The following MYO1D variants were observed in gnomAD, a reference collection of about 807,000 sequenced individuals.
The protein encoded by MYO1D is myosin ID.
A neutral mutation model predicts 122.0 loss-of-function variants in MYO1D; 83 were observed. The observed-to-expected ratio is 0.68, with a 90% CI of 0.57 to 0.82. The LOEUF (loss-of-function observed/expected upper bound fraction) is 0.82. Ranked by LOEUF, MYO1D falls within the 40% of genes least tolerant of loss-of-function variation. MYO1D has a pLI of 0.00. For missense variants in MYO1D, 1,157 were observed against 1,269.5 expected (o/e 0.91, Z 1.35); for synonymous variants, 464 against 446.9 (o/e 1.04, Z -0.48).
At chr17:32,655,050 AG>A (rs1171096736) in intron 17 of MYO1D, among the ~76,000 whole-genome samples, 1 of 152,248 alleles carries the variant, frequency 6.6e-6, no homozygotes, top group Non-Finnish European at 1.5e-5. Context: ...TGCTAAAAAA[AG>A]TAAAATGCCT....
chr17:32,633,197 C>T (rs1277286813), intron 20 of MYO1D, among the ~76,000 whole-genome samples: 2 of 148,170 alleles, frequency 1.3e-5, no homozygotes, highest in East Asian at 2.0e-4. Context: ...AAGCCCCCAA[C>T]TAAAAAGGCT....
chr17:32,552,423 T>C (rs778197929), intron 21 of MYO1D, among the ~76,000 whole-genome samples: 8,816 of 116,260 alleles, frequency 0.076, 346 homozygotes, highest in Non-Finnish European at 0.095. Context: ...CATCCACCCA[T>C]CCATCCATCC....
At chr17:32,695,130 G>T (rs561336494) in intron 16 of MYO1D, among the ~76,000 whole-genome samples, 3 of 150,886 alleles carry the variant, frequency 2.0e-5, no homozygotes, top group South Asian at 4.2e-4. Flanking sequence ...TTTTGTGGAA[G>T]AAAGATTTTC....
At chr17:32,758,523 C>A (rs542609203) in intron 10 of MYO1D, among the ~76,000 whole-genome samples, 2 of 152,078 alleles carry the variant, frequency 1.3e-5, no homozygotes, top group African/African-American at 2.4e-5. Flanking sequence ...TGAATAGATA[C>A]CCAATTGAAT....
chr17:32,641,071 G>A (rs2088192507), intron 19 of MYO1D, among the ~76,000 whole-genome samples: 1 of 146,876 alleles, frequency 6.8e-6, no homozygotes, highest in Admixed American at 6.8e-5. Context: ...ATCTCCTAAT[G>A]CTATCCCTCC....
intron 16 of MYO1D, among the ~76,000 whole-genome samples, chr17:32,698,616 T>C (rs2150979083): frequency 1.3e-5 from 2 of 152,162 alleles, no homozygotes; most frequent in East Asian, 3.9e-4. Flanking sequence ...TTTCAGATAA[T>C]GATTCTATTC....
intron 21 of MYO1D, among the ~76,000 whole-genome samples, chr17:32,503,967 G>A (rs190865578): frequency 6.6e-6 from 1 of 152,352 alleles, no homozygotes; most frequent in African/African-American, 2.4e-5. Flanking sequence ...CCTATAAGGT[G>A]AGGCTATGAT....
At chr17:32,532,587 C>T (rs1456357111) in intron 21 of MYO1D, among the ~76,000 whole-genome samples, 3 of 151,958 alleles carry the variant, frequency 2.0e-5, no homozygotes, top group South Asian at 2.1e-4. Flanking sequence ...ATTAGCCGGG[C>T]GTGGTGGCGG....
chr17:32,807,928 T>C (rs1426590943), intron 1 of MYO1D, among the ~76,000 whole-genome samples: 1 of 152,210 alleles, frequency 6.6e-6, no homozygotes, highest in African/African-American at 2.4e-5. Flanking sequence ...AATAACAGCA[T>C]AGATATGTTA....
chr17:32,502,727 C>G, intron 21 of MYO1D, among the ~76,000 whole-genome samples: 1 of 152,182 alleles, frequency 6.6e-6, no homozygotes, highest in Non-Finnish European at 1.5e-5. Flanking sequence ...GGGCAGGAGA[C>G]GGAGTAGACG....
chr17:32,825,466 A>AT (rs886884076), intron 1 of MYO1D, among the ~76,000 whole-genome samples: 1 of 151,990 alleles, frequency 6.6e-6, no homozygotes, highest in South Asian at 2.1e-4. Context: ...TAATTTTTGT[A>AT]TTTTTTTGTA....
At chr17:32,840,005 T>G (rs115943103) in intron 1 of MYO1D, among the ~76,000 whole-genome samples, 391 of 152,324 alleles carry the variant, frequency 2.6e-3, no homozygotes, top group African/African-American at 9.0e-3. Flanking sequence ...CAAAAGATCT[T>G]GTTTCAATTA....
rs968126194 is a variant in MYO1D at position 32,653,712 on chromosome 17, G to A, written c.2595+131C>T. On this transcript the variant is annotated intron_variant, in intron 19 of 21. Coordinates refer to ENST00000318217, the MANE Select transcript of MYO1D (RefSeq NM_015194.3). Reference sequence around the variant, plus strand: ...GCCATTCCTACAATGCCTCAGCACAGACAGGTCTAGTGAACTGATGATGAA... The same window carrying A: ...GCCATTCCTACAATGCCTCAGCACAAACAGGTCTAGTGAACTGATGATGAA... The A allele has an allele frequency of 4.4e-6, 3 of 683,602 alleles. No homozygotes were observed. In the South Asian group the frequency reaches 5.3e-5, roughly 12 times the overall value. The allele number at this position is 683,602 out of a possible 1,614,324, so 42.3% of individuals were successfully genotyped here.
intron 21 of MYO1D, among the ~76,000 whole-genome samples, chr17:32,604,305 G>A (rs2087599795): frequency 6.6e-6 from 1 of 152,176 alleles, no homozygotes; most frequent in Non-Finnish European, 1.5e-5. Context: ...TGATTTTGAT[G>A]AGTGGTCTTC....
chr17:32,812,311 T>C (rs1264682481), intron 1 of MYO1D, among the ~76,000 whole-genome samples: 1 of 152,222 alleles, frequency 6.6e-6, no homozygotes, highest in Non-Finnish European at 1.5e-5. Flanking sequence ...AAACAATTAT[T>C]CAGTGTTTTT....
intron 19 of MYO1D, among the ~76,000 whole-genome samples, chr17:32,641,662 A>G (rs1312663372): frequency 1.3e-5 from 2 of 151,986 alleles, no homozygotes; most frequent in African/African-American, 4.8e-5. Context: ...TGTGGTTTTG[A>G]TTTGCATTTC....
At chr17:32,685,837 G>A (rs564210882) in intron 16 of MYO1D, among the ~76,000 whole-genome samples, 1 of 152,294 alleles carries the variant, frequency 6.6e-6, no homozygotes, top group African/African-American at 2.4e-5. Context: ...CATTATAGTT[G>A]AGCAAATATT....
intron 1 of MYO1D, among the ~76,000 whole-genome samples, chr17:32,834,055 C>CT (rs2090797274): frequency 1.3e-5 from 2 of 152,106 alleles, no homozygotes; most frequent in South Asian, 4.1e-4. Flanking sequence ...GCATTTTTGT[C>CT]TTTTTTGCTT....
At position 32,702,851 on chromosome 17, in the gene MYO1D, G is replaced by A. The variant is rs889876862; in HGVS notation, c.2121+9137C>T. Among the ~76,000 whole-genome samples, 3 of 152,186 alleles carry A rather than the reference G, an allele frequency of 2.0e-5. No homozygotes were observed. In the East Asian group the frequency reaches 5.8e-4, roughly 29 times the overall value. The stretch of plus-strand genomic sequence containing the variant: ...CACTGTATCATGGATGCTACAAGCT[G>A]CGAGCCACAATTAGGCCTGAAATAA... On this transcript the variant is annotated intron_variant, in intron 16 of 21. Coordinates refer to ENST00000318217, the MANE Select transcript of MYO1D (RefSeq NM_015194.3).
Sources: gnomAD v4.1 joint callset for allele counts (sites outside exome capture counted in the v4.1 genomes callset) on GRCh38, gnomAD v4.1.1 for gene constraint, MANE v1.5 for transcripts, NCBI Gene and HGNC (gene_info 2026-07-23, HGNC 2026-07-21) for gene names.